BTBD8: variants seen among roughly 807,000 people sequenced by gnomAD.
BTBD8 encodes BTB/POZ domain-containing protein 8.
BTBD8 carries 110 observed loss-of-function variants against 162.9 expected under a neutral mutation model. That is an observed-to-expected ratio of 0.68 (90% CI 0.58 to 0.79). The LOEUF is 0.79. Among genes scored for constraint, BTBD8 ranks in the 30% least tolerant of loss-of-function variants. BTBD8 has a pLI of 0.00. For synonymous variants in BTBD8, 667 were observed against 716.1 expected, an observed-to-expected ratio of 0.93 and a Z score of 1.10; for missense variants, 1,905 against 2,085.4, an observed-to-expected ratio of 0.91 and a Z score of 1.68.
chr1:92,145,751 G>A (rs954422130), intron 7 of BTBD8, among the ~76,000 whole-genome samples: 6 of 152,292 alleles, frequency 3.9e-5, no homozygotes, highest in East Asian at 1.9e-4. Flanking sequence ...GGAGGCCAAG[G>A]CGGGTGGATC....
At chr1:92,166,911 A>C (rs919014576) in intron 9 of BTBD8, 47 bp from the exon 10 acceptor site, 2 of 1,476,778 alleles carry the variant, frequency 1.4e-6, no homozygotes, top group Non-Finnish European at 9.0e-7. Flanking sequence ...GAGTTATTTT[A>C]TTAGCAGTAA....
chr1:92,095,515 A>C (rs1384397360), intron 2 of BTBD8, among the ~76,000 whole-genome samples: 4 of 152,042 alleles, frequency 2.6e-5, no homozygotes, highest in Admixed American at 1.3e-4. Flanking sequence ...AATAACACCA[A>C]AATTTCTGTA....
At chr1:92,111,005 T>A (rs759281108) in intron 4 of BTBD8, among the ~76,000 whole-genome samples, 1 of 152,094 alleles carries the variant, frequency 6.6e-6, no homozygotes, top group Non-Finnish European at 1.5e-5. Context: ...TTTTTTTTTT[T>A]TCCTAAGACA....
intron 9 of BTBD8, among the ~76,000 whole-genome samples, chr1:92,166,511 G>C (rs1387935717): frequency 2.2e-5 from 3 of 138,386 alleles, no homozygotes; most frequent in Admixed American, 1.6e-4. Context: ...TGCAACCTCC[G>C]CCTCCTGAGT....
intron 3 of BTBD8, among the ~76,000 whole-genome samples, chr1:92,106,288 A>C (rs1362502821): frequency 6.6e-6 from 1 of 152,114 alleles, no homozygotes. Flanking sequence ...CAGCATACAA[A>C]TATTTAAGTC....
Position 92,181,721 on chromosome 1 carries a change from G to T in BTBD8, c.4038G>T (p.Arg1346Ser), listed in dbSNP as rs1301902969. The change falls in exon 17 of 18, where the codon AGG becomes AGT. Residue 1346 changes from arginine to serine, a missense_variant. Coordinates refer to ENST00000636805, the MANE Select transcript of BTBD8 (RefSeq NM_001376131.1). ...STSDDEIPRK[R>S]PEIWSRSAIV... ...GTGATGATGAAATCCCTAGGAAAAG[G>T]CCAGAAATTTGGTCTCGATCTGCAA... 3.2e-5 allele frequency: 49 copies of T among 1,551,496 alleles called. No individual in the cohort carries two copies. The highest frequency in any genetic ancestry group is 4.2e-5 in the Non-Finnish European group (48 of 1,146,944).
At chr1:92,097,111 A>G (rs1570716622) in intron 2 of BTBD8, among the ~76,000 whole-genome samples, 1 of 152,108 alleles carries the variant, frequency 6.6e-6, no homozygotes, top group Non-Finnish European at 1.5e-5. Flanking sequence ...CTATTTGTCC[A>G]CCAGATCTCA....
At position 92,180,911 on chromosome 1, in the gene BTBD8, G is replaced by T; in HGVS notation, c.3228G>T (p.Gly1076=). ...CTAACATATGTTGTCATTCTGTTGGGAGTGATAATGTAAATTCAAAATTTT... is the reference window on the plus strand; with the variant it reads ...CTAACATATGTTGTCATTCTGTTGGTAGTGATAATGTAAATTCAAAATTTT... ...DAANICCHSV[G]SDNVNSKFYS... The change falls in exon 17 of 18, where the codon GGG becomes GGT. Residue 1076 remains glycine, a synonymous_variant. Coordinates refer to ENST00000636805, the MANE Select transcript of BTBD8 (RefSeq NM_001376131.1). 6.4e-7 allele frequency: 1 copy of T among 1,551,608 alleles called. No homozygotes were observed. Among genetic ancestry groups the T allele is most frequent in the Non-Finnish European group, 8.7e-7 (1 of 1,146,966 alleles).
intron 4 of BTBD8, among the ~76,000 whole-genome samples, chr1:92,124,215 C>G (rs1649289655): frequency 6.6e-6 from 1 of 152,188 alleles, no homozygotes; most frequent in Admixed American, 6.5e-5. Context: ...TGTAACTTTT[C>G]TAATCACTGT....
chr1:92,163,655 GGGGA>G (rs1473902691), intron 9 of BTBD8, among the ~76,000 whole-genome samples: 5 of 151,984 alleles, frequency 3.3e-5, no homozygotes, highest in South Asian at 2.1e-4. Context: ...CAGTGTGGAA[GGGGA>G]CCCGAGCAGA....
chr1:92,159,046 G>A (rs1298653124), intron 9 of BTBD8, among the ~76,000 whole-genome samples: 1 of 151,768 alleles, frequency 6.6e-6, no homozygotes, highest in Admixed American at 6.6e-5. Context: ...ATGAGCCACT[G>A]TGCCCAGCCA....
At chr1:92,147,145 A>G in intron 7 of BTBD8, 35 bp from the exon 8 acceptor site, 3 of 1,483,180 alleles carry the variant, frequency 2.0e-6, no homozygotes, top group South Asian at 1.3e-5. Context: ...TGTAAATTGA[A>G]AAGGAATAAA....
At chr1:92,104,443 T>C (rs1162497583) in intron 3 of BTBD8, among the ~76,000 whole-genome samples, 1 of 152,204 alleles carries the variant, frequency 6.6e-6, no homozygotes, top group Non-Finnish European at 1.5e-5. Flanking sequence ...AAGACCCAGA[T>C]AGGACTCTAA....
chr1:92,106,691 T>G (rs1354760266), intron 3 of BTBD8, among the ~76,000 whole-genome samples: 46 of 47,200 alleles, frequency 9.7e-4, no homozygotes, highest in East Asian at 3.4e-3. Flanking sequence ...AAAAAAAAAG[T>G]GTAGTCCTTT....
At chr1:92,173,627 G>A (rs182779108) in intron 13 of BTBD8, among the ~76,000 whole-genome samples, 1 of 152,278 alleles carries the variant, frequency 6.6e-6, no homozygotes. Context: ...CAATGGGAAG[G>A]AAGGAAGTTT....
chr1:92,180,215 A>C, intron 16 of BTBD8, 50 bp from the exon 17 acceptor site: 1 of 1,304,050 alleles, frequency 7.7e-7, no homozygotes, highest in East Asian at 2.6e-5. Flanking sequence ...TTTTACTCAC[A>C]AATTGGAGGT....
intron 1 of BTBD8, among the ~76,000 whole-genome samples, chr1:92,087,745 T>C (rs1450836180): frequency 6.6e-6 from 1 of 152,248 alleles, no homozygotes; most frequent in Non-Finnish European, 1.5e-5. Flanking sequence ...TGTCATTGGC[T>C]GCTTTCCAAG....
rs759494251 is a variant in BTBD8, at chr1:92,147,198, A to AC, written c.950dup (p.Ser318ValfsTer20). On this transcript the variant is annotated frameshift_variant, in exon 8 of 18. Coordinates refer to ENST00000636805, the MANE Select transcript of BTBD8 (RefSeq NM_001376131.1). LOFTEE classifies it high-confidence loss of function. ...ATTTTAGCCTGTTCCCAGAACATTGACGTCTATACTAGAATGCCTGATTAT... is the reference window on the plus strand; with the variant it reads ...ATTTTAGCCTGTTCCCAGAACATTGACCGTCTATACTAGAATGCCTGATTAT... The AC allele has an allele frequency of 1.2e-6, 2 of 1,608,386 alleles. No homozygotes were observed. The highest frequency in any genetic ancestry group is 4.5e-5 in the East Asian group (2 of 44,610).
At chr1:92,149,812 A>G (rs1416206328) in intron 9 of BTBD8, among the ~76,000 whole-genome samples, 2 of 152,112 alleles carry the variant, frequency 1.3e-5, no homozygotes, top group Non-Finnish European at 2.9e-5. Flanking sequence ...CTAGCTCCAC[A>G]ATGAAAGGCA....
Sources: allele counts gnomAD v4.1 joint callset (sites outside exome capture counted in the v4.1 genomes callset), GRCh38; gene constraint gnomAD v4.1.1; transcripts MANE v1.5; gene names NCBI Gene and HGNC (gene_info 2026-07-23, HGNC 2026-07-21).